TTLL8: variants seen among roughly 807,000 people sequenced by gnomAD.
TTLL8 encodes protein monoglycylase TTLL8.
TTLL8 carries 65 observed loss-of-function variants against 77.8 expected under a neutral mutation model. That is an observed-to-expected ratio of 0.84 (90% CI 0.68 to 1.03). The LOEUF (loss-of-function observed/expected upper bound fraction) is 1.03, where lower values mean the gene tolerates loss of function less well. TTLL8 is among the 50% of genes least tolerant of loss of function. The pLI is 0.00. For synonymous variants in TTLL8, 402 were observed against 422.8 expected, an observed-to-expected ratio of 0.95 and a Z score of 0.60; for missense variants, 910 against 1,004.5, an observed-to-expected ratio of 0.91 and a Z score of 1.27.
intron 12 of TTLL8, among the ~76,000 whole-genome samples, chr22:50,024,101 C>G (rs182988403): frequency 1.3e-5 from 2 of 152,304 alleles, no homozygotes; most frequent in Admixed American, 1.3e-4. Context: ...GAAGAAGAAA[C>G]AAAATTGGAA....
At position 50,041,257 on chromosome 22, in the gene TTLL8, A is replaced by G. The variant is rs1381918602; in HGVS notation, c.851T>C (p.Ile284Thr). The G allele has an allele frequency of 4.0e-6, 2 of 503,792 alleles. No individual in the cohort carries two copies. Among genetic ancestry groups the G allele is most frequent in the African/African-American group, 4.0e-5 (2 of 49,840 alleles). 31.2% of individuals were successfully genotyped at this position (503,792 alleles called of 1,614,324 possible). Reference sequence around the variant, plus strand: ...CTGGATTTTGAAGATGCACAAGACAATGCTACTCCCCAAAGGCACCCTGAG... The same window carrying G: ...CTGGATTTTGAAGATGCACAAGACAGTGCTACTCCCCAAAGGCACCCTGAG... The change falls in exon 8 of 14, where the codon ATT becomes ACT. Residue 284 changes from isoleucine to threonine, a missense_variant. By Grantham distance (89) the Ile-to-Thr change is moderately conservative. Around this residue, in one of 2 missense-constraint regions of TTLL8, gnomAD observed 776 missense variants for 926.1 expected, o/e 0.84. Coordinates refer to ENST00000266182, the Ensembl canonical transcript of TTLL8. This position sits in a 1 kb window ranked among gnomAD's most constrained non-coding sequence, Gnocchi z 4.3.
chr22:50,029,022 CA>C (rs1389587946), intron 12 of TTLL8, among the ~76,000 whole-genome samples: 9 of 36,788 alleles, frequency 2.4e-4, no homozygotes, highest in Non-Finnish European at 3.9e-4. Context: ...CTGAAGACCC[CA>C]CACACCCTCG....
In TTLL8 at chr22:50,032,126, G is replaced by T; in HGVS notation, c.1284-17C>A. 1 of 1,341,888 alleles carries T rather than the reference G, an allele frequency of 7.5e-7. No homozygotes were observed. 83.1% of individuals were successfully genotyped at this position (1,341,888 alleles called of 1,614,324 possible). A position where few individuals can be genotyped will look rare whatever the true frequency, so the allele number is the denominator to read the frequency against. ...TGGATGGCGCTGCAGGGGGGACGAG[G>T]GGCAGGTGCTCAGCCTCCCTTGGCC... On this transcript the variant is annotated splice_polypyrimidine_tract_variant and intron_variant, in intron 10 of 13. Coordinates refer to ENST00000266182, the Ensembl canonical transcript of TTLL8.
upstream of TTLL8, among the ~76,000 whole-genome samples, chr22:50,055,621 C>A (rs1370856997): frequency 2.0e-5 from 3 of 150,290 alleles, no homozygotes; most frequent in African/African-American, 7.4e-5. Context: ...CGCCATTGCA[C>A]TCCAGCATGG....
chr22:50,031,919 T>C (rs1175280142), exon 11 of TTLL8: 1 of 1,367,036 alleles, frequency 7.3e-7, no homozygotes, highest in Non-Finnish European at 9.8e-7. Flanking sequence ...TGGGCCACCT[T>C]CATGGCGTGG....
chr22:50,057,371 G>GTGAGTCAGGTCTGGGTT (rs1569236966), upstream of TTLL8, among the ~76,000 whole-genome samples: 2 of 112,016 alleles, frequency 1.8e-5, no homozygotes, highest in African/African-American at 4.9e-5. Flanking sequence ...GGTCTGGGTT[G>GTGAGTCAGGTCTGGGTT]GGGGATCAGG....
chr22:50,020,335 C>T (rs930878030), intron 12 of TTLL8, among the ~76,000 whole-genome samples: 5 of 151,104 alleles, frequency 3.3e-5, no homozygotes, highest in African/African-American at 1.2e-4. Flanking sequence ...ACGTGCACAC[C>T]TCCATCTAAC....
chr22:50,031,116 A>C (rs9308231), intron 11 of TTLL8, among the ~76,000 whole-genome samples, 191 bp from the exon 13 acceptor site: 47,364 of 152,026 alleles, frequency 0.31, 8,026 homozygotes, highest in Non-Finnish European at 0.38. Flanking sequence ...GCGGGGAACC[A>C]AGGCTTCCTG....
intron 4 of TTLL8, among the ~76,000 whole-genome samples, chr22:50,046,279 C>T (rs1053427764): frequency 2.0e-5 from 3 of 152,296 alleles, no homozygotes; most frequent in Non-Finnish European, 4.4e-5. Context: ...GGCACTGGGG[C>T]TCCCTCCAGG....
chr22:50,035,219 C>T (rs1385179233), intron 8 of TTLL8, among the ~76,000 whole-genome samples: 24 of 152,188 alleles, frequency 1.6e-4, no homozygotes, highest in Non-Finnish European at 1.5e-5. Context: ...GACCCCATGA[C>T]GTCCTGACAA....
rs560498938 is a variant in TTLL8 at position 50,034,778 on chromosome 22, T to C, written c.922-316A>G. 3.6e-5 allele frequency among the ~76,000 whole-genome samples: 5 copies of C among 140,818 alleles called. No homozygotes were observed. In the East Asian group the frequency reaches 1.0e-3, roughly 29 times the overall value. 92.4% of individuals were successfully genotyped at this position (140,818 alleles called of 152,430 possible). On this transcript the variant is annotated intron_variant, in intron 8 of 13. Coordinates refer to ENST00000266182, the Ensembl canonical transcript of TTLL8. This position sits in a 1 kb window ranked among gnomAD's most constrained non-coding sequence, Gnocchi z 4.1. ...AAGCAGCACCCTGCCTGGGTGGAAA[T>C]GGTGGGATGCACGGGTGGGGGTGGG...
At chr22:50,046,393 C>T (rs1015559078) in intron 4 of TTLL8, among the ~76,000 whole-genome samples, 1 of 152,244 alleles carries the variant, frequency 6.6e-6, no homozygotes, top group Non-Finnish European at 1.5e-5. Context: ...GCCCACCACA[C>T]GCGAGGTAGC....
chr22:50,033,377 C>A (rs368395007), exon 10 of TTLL8: 1 of 1,365,088 alleles, frequency 7.3e-7, no homozygotes, highest in East Asian at 4.5e-5. Flanking sequence ...CACTTGTTGT[C>A]CCTGGAAAGA....
At chr22:50,033,177 T>G (rs1601916949) in intron 10 of TTLL8, 25 bp downstream of exon 11, 5 of 1,297,176 alleles carry the variant, frequency 3.9e-6, no homozygotes, top group African/African-American at 1.6e-5. Flanking sequence ...TGGCCCGAGG[T>G]GTCCAGGTCG....
At position 50,039,747 on chromosome 22, in the gene TTLL8, T is replaced by G. The variant is rs2061357248; in HGVS notation, c.921+1440A>C. Among the ~76,000 whole-genome samples, 7 of 144,304 alleles carry G rather than the reference T, an allele frequency of 4.9e-5. No individual in the cohort carries two copies. In the Admixed American group the frequency reaches 4.9e-4, roughly 10 times the overall value. 94.7% of individuals were successfully genotyped at this position (144,304 alleles called of 152,430 possible). A position where few individuals can be genotyped will look rare whatever the true frequency, so the allele number is the denominator to read the frequency against. Reference sequence around the variant, plus strand: ...ACCTCACTGACCCCACGTGTATCAGTGTGGACGGACCTCATGGACCTCATG... The same window carrying G: ...ACCTCACTGACCCCACGTGTATCAGGGTGGACGGACCTCATGGACCTCATG... On this transcript the variant is annotated intron_variant, in intron 8 of 13. Coordinates refer to ENST00000266182, the Ensembl canonical transcript of TTLL8.
chr22:50,049,290 CTTGA>C lies in TTLL8; in HGVS notation c.219_222del (p.Asn73LysfsTer14). ...TTGTCTGTTTTCTCCAAAGCCATTT[CTTGA>C]TTTTCTTTGACTTTGGCACATGTAT... On this transcript the variant is annotated frameshift_variant, in exon 3 of 14. Transcript: ENST00000266182. LOFTEE classifies it high-confidence loss of function. 4 of 1,367,710 alleles carry C rather than the reference CTTGA, an allele frequency of 2.9e-6. No individual in the cohort carries two copies. The highest frequency in any genetic ancestry group is 3.9e-6 in the Non-Finnish European group (4 of 1,021,850). 84.7% of individuals were successfully genotyped at this position (1,367,710 alleles called of 1,614,324 possible).
upstream of TTLL8, chr22:50,055,148 G>A: frequency 8.0e-7 from 1 of 1,242,770 alleles, no homozygotes. Flanking sequence ...GTGCGTCAGA[G>A]GCCAGATGGA....
intron 12 of TTLL8, among the ~76,000 whole-genome samples, chr22:50,029,849 C>T (rs1217326615): frequency 6.6e-6 from 1 of 152,222 alleles, no homozygotes; most frequent in Non-Finnish European, 1.5e-5. Context: ...ACGGCTGATG[C>T]TGCCCTGCTG....
At chr22:50,056,426 C>T (rs1002205973), upstream of TTLL8, among the ~76,000 whole-genome samples, 8 of 152,172 alleles carry the variant, frequency 5.3e-5, no homozygotes, top group African/African-American at 1.2e-4. This position sits in a 1 kb window ranked among gnomAD's most constrained non-coding sequence, Gnocchi z 4.1. Flanking sequence ...CCGGAGCTCT[C>T]GATCTGGCCC....
Sources: allele counts gnomAD v4.1 joint callset (sites outside exome capture counted in the v4.1 genomes callset), GRCh38; gene constraint gnomAD v4.1.1; regional missense constraint gnomAD v4.1.1; non-coding constraint Gnocchi (gnomAD v3.1); transcripts MANE v1.5; gene names NCBI Gene and HGNC (gene_info 2026-07-23, HGNC 2026-07-21).